Variants in KLRG1 observed in about 807,000 individuals in gnomAD.
KLRG1 encodes the protein killer cell lectin like receptor G1.
A neutral mutation model predicts 21.8 loss-of-function variants in KLRG1; 16 were observed. The observed-to-expected ratio is 0.73, with a 90% CI of 0.50 to 1.11. The LOEUF (loss-of-function observed/expected upper bound fraction) is 1.11. KLRG1 is among the 50% of genes most tolerant of loss of function. The pLI is 0.00. For synonymous variants in KLRG1, 69 were observed against 75.9 expected (o/e 0.91, Z 0.47); for missense variants, 173 against 218.3 (o/e 0.79, Z 1.31).
intron 1 of KLRG1, among the ~76,000 whole-genome samples, chr12:8,975,859 G>C (rs1395155893): frequency 1.3e-5 from 2 of 152,010 alleles, no homozygotes; most frequent in Non-Finnish European, 2.9e-5. Flanking sequence ...ACTGGGCCCA[G>C]CTTTTTTTTT....
rs145349379 is a variant in KLRG1 at position 8,967,482 on chromosome 12, G to A, written c.-156+17246G>A. 5.1e-4 allele frequency among the ~76,000 whole-genome samples: 78 copies of A among 152,252 alleles called. No individual in the cohort carries two copies. The East Asian group carries it at 0.014, about 27-fold the overall frequency. On this transcript the variant is annotated intron_variant, in intron 1 of 4. Coordinates refer to the KLRG1 transcript ENST00000539240. ...GACACCTGTAATCCCAGCACTTTGG[G>A]AAGCTGAGGCAGGAGGATCCTTTGA...
At chr12:8,985,761 C>G (rs1946833670), upstream of KLRG1, among the ~76,000 whole-genome samples, 1 of 152,156 alleles carries the variant, frequency 6.6e-6, no homozygotes, top group South Asian at 2.1e-4. Context: ...GAAGGCTGCT[C>G]TCCAGGAATC....
chr12:9,192,496 A>G, the KLRG1 span: 9 of 1,600,728 alleles, frequency 5.6e-6, no homozygotes, highest in East Asian at 2.2e-5. Flanking sequence ...ATTGTATTCC[A>G]TGGCCTCATT....
intron 1 of KLRG1, among the ~76,000 whole-genome samples, chr12:8,960,863 C>T (rs1043034759): frequency 6.6e-6 from 1 of 152,138 alleles, no homozygotes. Context: ...CCTAAGGTCT[C>T]CTCTCATTTG....
At chr12:9,108,274 G>T in the KLRG1 span, among the ~76,000 whole-genome samples, 2 of 151,954 alleles carry the variant, frequency 1.3e-5, no homozygotes, top group Admixed American at 1.3e-4. Context: ...TACAGGCGCT[G>T]GCCACCATGC....
At chr12:9,151,031 A>C in the KLRG1 span, among the ~76,000 whole-genome samples, 1 of 152,246 alleles carries the variant, frequency 6.6e-6, no homozygotes, top group Non-Finnish European at 1.5e-5. Flanking sequence ...TCTAAGCTGG[A>C]GAAACATGGT....
chr12:9,176,990 G>C, the KLRG1 span, among the ~76,000 whole-genome samples: 2 of 152,192 alleles, frequency 1.3e-5, no homozygotes, highest in Admixed American at 1.3e-4. Context: ...TCAGAGAGAG[G>C]ATCGAGTATA....
the KLRG1 span, among the ~76,000 whole-genome samples, chr12:9,053,967 A>G: frequency 6.6e-6 from 1 of 152,012 alleles, no homozygotes; most frequent in Non-Finnish European, 1.5e-5. Flanking sequence ...CCAGCTCCTC[A>G]CCCTCCATGA....
chr12:9,213,274 C>T, the KLRG1 span, among the ~76,000 whole-genome samples: 1 of 152,048 alleles, frequency 6.6e-6, no homozygotes, highest in Non-Finnish European at 1.5e-5. Flanking sequence ...GTGAATAATT[C>T]TGCTATAAAT....
chr12:8,994,897 G>A (rs749829041), intron 2 of KLRG1, among the ~76,000 whole-genome samples: 7 of 152,336 alleles, frequency 4.6e-5, no homozygotes, highest in South Asian at 2.1e-4. Flanking sequence ...ATATTCTTGT[G>A]TAGTGGAATA....
the KLRG1 span, among the ~76,000 whole-genome samples, chr12:9,051,580 G>T: frequency 6.6e-6 from 1 of 152,204 alleles, no homozygotes; most frequent in Non-Finnish European, 1.5e-5. Flanking sequence ...TCTCCTCTGA[G>T]CTGTTCTAAC....
chr12:8,966,099 A>G (rs1035028982), intron 1 of KLRG1, among the ~76,000 whole-genome samples: 33 of 152,330 alleles, frequency 2.2e-4, no homozygotes, highest in African/African-American at 7.7e-4. Context: ...AGGATTCCCT[A>G]TTTAATAAAT....
chr12:9,069,567 C>G, the KLRG1 span, among the ~76,000 whole-genome samples: 1 of 152,118 alleles, frequency 6.6e-6, no homozygotes, highest in Non-Finnish European at 1.5e-5. Context: ...CCATTTCTAC[C>G]TGTAATCCCT....
At chr12:8,980,802 C>T (rs1946742906) in intron 1 of KLRG1, among the ~76,000 whole-genome samples, 2 of 152,022 alleles carry the variant, frequency 1.3e-5, no homozygotes, top group South Asian at 4.2e-4. Flanking sequence ...CTGTGGGGGT[C>T]CTTGGCAGTT....
chr12:9,166,680 G>A, the KLRG1 span, among the ~76,000 whole-genome samples: 1 of 152,166 alleles, frequency 6.6e-6, no homozygotes, highest in Non-Finnish European at 1.5e-5. Context: ...ATCACTGTAT[G>A]GAACTTTGCA....
the KLRG1 span, among the ~76,000 whole-genome samples, chr12:9,186,663 A>C: frequency 6.6e-6 from 1 of 152,142 alleles, no homozygotes; most frequent in Non-Finnish European, 1.5e-5. Flanking sequence ...ATGGAATACT[A>C]TGCAGCCATA....
At chr12:9,206,296 A>C in the KLRG1 span, among the ~76,000 whole-genome samples, 1 of 151,794 alleles carries the variant, frequency 6.6e-6, no homozygotes, top group African/African-American at 2.4e-5. Flanking sequence ...ATAAATTATA[A>C]GCCTAAAAGA....
the KLRG1 span, among the ~76,000 whole-genome samples, chr12:9,038,878 T>C: frequency 7.0e-6 from 1 of 143,806 alleles, no homozygotes; most frequent in East Asian, 2.0e-4. Context: ...CACTCCAGCC[T>C]GGGCAACAAA....
At chr12:9,008,178 A>G (rs1947528668) in intron 3 of KLRG1, among the ~76,000 whole-genome samples, 1 of 152,344 alleles carries the variant, frequency 6.6e-6, no homozygotes, top group South Asian at 2.1e-4. Context: ...GGAAAAAAAC[A>G]AGAATATTGC....
Sources: allele counts gnomAD v4.1 joint callset (sites outside exome capture counted in the v4.1 genomes callset), GRCh38; gene constraint gnomAD v4.1.1; transcripts MANE v1.5; gene names NCBI Gene and HGNC (gene_info 2026-07-23, HGNC 2026-07-21).